The following CLMN variants were observed in gnomAD, a reference collection of about 807,000 sequenced individuals.
CLMN encodes calmin (calponin-like, transmembrane).
In CLMN, 57 loss-of-function variants were observed where a neutral mutation model predicts 92.7. The observed-to-expected ratio is 0.61, with a 90% CI of 0.50 to 0.77. The LOEUF is 0.77. CLMN is among the 30% of genes least tolerant of loss of function. The pLI is 0.00. For synonymous variants in CLMN, 466 were observed against 470.6 expected, an observed-to-expected ratio of 0.99 and a Z score of 0.13; for missense variants, 1,158 against 1,237.5, an observed-to-expected ratio of 0.94 and a Z score of 0.96.
intron 1 of CLMN, among the ~76,000 whole-genome samples, chr14:95,244,638 G>T (rs537477514): frequency 6.6e-6 from 1 of 152,184 alleles, no homozygotes; most frequent in Non-Finnish European, 1.5e-5. Flanking sequence ...TGTTACTTTT[G>T]TTGAAAGACT....
Position 95,191,630 on chromosome 14 carries a change from A to C in CLMN, c.2943T>G (p.Ile981Met). Reference protein sequence around the residue: ...LVQQPDMMYFILFLWLLVYCL... With the variant: ...LVQQPDMMYFMLFLWLLVYCL... Reference sequence around the variant, plus strand: ...AGTACACCAGGAGCCACAGGAAGAGAATAAAATACATCATATCCGGCTGCT... The same window carrying C: ...AGTACACCAGGAGCCACAGGAAGAGCATAAAATACATCATATCCGGCTGCT... The change falls in exon 13 of 13, where the codon ATT becomes ATG. Residue 981 changes from isoleucine to methionine, a missense_variant. Physicochemically the swap from Ile to Met is conservative, Grantham distance 10 (BLOSUM62 1). Coordinates refer to ENST00000298912, the MANE Select transcript of CLMN (RefSeq NM_024734.4). This position sits in a 1 kb window ranked among gnomAD's most constrained non-coding sequence, Gnocchi z 5.3. The C allele has an allele frequency of 6.2e-7, 1 of 1,613,884 alleles. No individual in the cohort carries two copies. The highest frequency in any genetic ancestry group is 2.2e-5 in the East Asian group (1 of 44,878).
At chr14:95,220,529 T>A (rs554293384) in intron 4 of CLMN, among the ~76,000 whole-genome samples, 1 of 152,212 alleles carries the variant, frequency 6.6e-6, no homozygotes, top group Non-Finnish European at 1.5e-5. Context: ...AGGCGGGTTG[T>A]TCCCACCTTT....
At chr14:95,228,277 G>A (rs755611231) in intron 2 of CLMN, among the ~76,000 whole-genome samples, 29 of 152,222 alleles carry the variant, frequency 1.9e-4, no homozygotes, top group Non-Finnish European at 3.8e-4. Flanking sequence ...GTGATCTCAG[G>A]TTTGGGGACA....
At chr14:95,208,385 G>A (rs1210764140) in intron 8 of CLMN, among the ~76,000 whole-genome samples, 8 of 152,092 alleles carry the variant, frequency 5.3e-5, no homozygotes, top group Non-Finnish European at 1.2e-4. Flanking sequence ...ACGGGGCCAG[G>A]ACAACTTCTA....
chr14:95,312,592 T>C (rs1416255525), intron 1 of CLMN, among the ~76,000 whole-genome samples: 6 of 152,158 alleles, frequency 3.9e-5, no homozygotes, highest in Non-Finnish European at 5.9e-5. Context: ...TCCTACTCCG[T>C]AGGGAGGCTG....
chr14:95,222,353 T>C (rs1897572435), intron 3 of CLMN: 3 of 259,294 alleles, frequency 1.2e-5, no homozygotes, highest in Middle Eastern at 1.4e-3. Context: ...AAGCTAAAAC[T>C]CTGACAAGGT....
intron 1 of CLMN, among the ~76,000 whole-genome samples, chr14:95,232,330 C>A (rs1418093756): frequency 2.0e-5 from 3 of 152,200 alleles, no homozygotes; most frequent in Non-Finnish European, 4.4e-5. Flanking sequence ...ATCACATATG[C>A]CTAAAACGAT....
intron 8 of CLMN, among the ~76,000 whole-genome samples, chr14:95,205,259 T>G (rs1897014693): frequency 1.3e-5 from 2 of 152,230 alleles, no homozygotes; most frequent in South Asian, 2.1e-4. Context: ...CTTCAACCTC[T>G]ATTGTTCTTT....
intron 6 of CLMN, among the ~76,000 whole-genome samples, chr14:95,211,658 A>G (rs1316712434): frequency 6.7e-6 from 1 of 149,722 alleles, no homozygotes; most frequent in Non-Finnish European, 1.5e-5. Flanking sequence ...TTAAAAAAAA[A>G]AAAAAAAACC....
At chr14:95,274,485 T>G (rs904006205) in intron 1 of CLMN, among the ~76,000 whole-genome samples, 3 of 152,026 alleles carry the variant, frequency 2.0e-5, no homozygotes, top group African/African-American at 7.2e-5. Context: ...AGAGCTGTGG[T>G]CCCTCTGCCC....
rs150387442 is a variant in CLMN at position 95,204,348 on chromosome 14, C to G, written c.1001G>C (p.Arg334Pro). 112 of 1,613,994 alleles carry G rather than the reference C, an allele frequency of 6.9e-5. No homozygotes were observed. The Admixed American group carries it at 1.5e-3, about 22-fold the overall frequency. Residue 334 changes from arginine to proline, a missense_variant, in exon 9 of 13, where the codon CGT becomes CCT. Arg to Pro is a moderately radical substitution (Grantham distance 103). Coordinates refer to ENST00000298912, the MANE Select transcript of CLMN (RefSeq NM_024734.4). Reference sequence around the variant, plus strand: ...GGTTTCATGGTTAACAGTGTAGGTACGCTCCCCATTTTCAGTCAGAACGAA... The same window carrying G: ...GGTTTCATGGTTAACAGTGTAGGTAGGCTCCCCATTTTCAGTCAGAACGAA... ...KVFVLTENGE[R>P]TYTVNHETSH...
At chr14:95,222,931 T>C (rs1009485512) in intron 3 of CLMN, among the ~76,000 whole-genome samples, 1 of 152,152 alleles carries the variant, frequency 6.6e-6, no homozygotes, top group Non-Finnish European at 1.5e-5. Flanking sequence ...AGCTATGGTT[T>C]GGTAGAGTTG....
intron 1 of CLMN, among the ~76,000 whole-genome samples, chr14:95,266,436 G>C (rs906105200): frequency 1.5e-4 from 23 of 152,058 alleles, no homozygotes; most frequent in African/African-American, 5.6e-4. Flanking sequence ...AATCAAGAAA[G>C]CAATCCCATT....
At chr14:95,198,458 C>T (rs918272106) in intron 9 of CLMN, among the ~76,000 whole-genome samples, 3 of 152,000 alleles carry the variant, frequency 2.0e-5, no homozygotes, top group African/African-American at 7.3e-5. Flanking sequence ...CCTCATCAAA[C>T]GGGCTGTACC....
intron 1 of CLMN, among the ~76,000 whole-genome samples, chr14:95,250,977 T>C (rs1347300621): frequency 6.6e-6 from 1 of 152,084 alleles, no homozygotes; most frequent in Non-Finnish European, 1.5e-5. Flanking sequence ...TGCAAAGGTA[T>C]TAGGAGAGGG....
In CLMN at chr14:95,184,209, C is replaced by T. The variant is rs527925594; in HGVS notation, c.*7355G>A. The T allele has an allele frequency of 1.3e-5, 2 of 152,362 alleles. No homozygotes were observed. Among genetic ancestry groups the T allele is most frequent in the East Asian group, 3.9e-4 (2 of 5,188 alleles). 9.4% of individuals were successfully genotyped at this position (152,362 alleles called of 1,614,324 possible). On this transcript the variant is annotated 3_prime_UTR_variant, in exon 13 of 13. Coordinates refer to ENST00000298912, the MANE Select transcript of CLMN (RefSeq NM_024734.4). Reference sequence around the variant, plus strand: ...AGCTCAGAAGTTAGTTTGCCAAGATCACCCAGAGATCTGGTGACAGAGCTG... The same window carrying T: ...AGCTCAGAAGTTAGTTTGCCAAGATTACCCAGAGATCTGGTGACAGAGCTG...
intron 8 of CLMN, among the ~76,000 whole-genome samples, chr14:95,207,925 G>T (rs1897091120): frequency 6.6e-6 from 1 of 152,182 alleles, no homozygotes; most frequent in African/African-American, 2.4e-5. Flanking sequence ...AACACAGAGG[G>T]TCCAAACCCC....
At chr14:95,247,908 G>A (rs183592040) in intron 1 of CLMN, among the ~76,000 whole-genome samples, 28 of 152,254 alleles carry the variant, frequency 1.8e-4, no homozygotes, top group Admixed American at 1.6e-3. Flanking sequence ...GAGAAAAAGA[G>A]AGAGAAGGAG....
At chr14:95,304,934 G>A (rs916424112) in intron 1 of CLMN, among the ~76,000 whole-genome samples, 1 of 152,170 alleles carries the variant, frequency 6.6e-6, no homozygotes, top group Non-Finnish European at 1.5e-5. Context: ...GGACCTATGG[G>A]AGAAGCTTCC....
Sources: gnomAD v4.1 joint callset for allele counts (sites outside exome capture counted in the v4.1 genomes callset) on GRCh38, gnomAD v4.1.1 for gene constraint, Gnocchi (gnomAD v3.1) non-coding constraint, MANE v1.5 for transcripts, NCBI Gene and HGNC (gene_info 2026-07-23, HGNC 2026-07-21) for gene names.